ABCB1: variants seen among roughly 807,000 people sequenced by gnomAD.
The protein encoded by ABCB1 is ATP binding cassette subfamily B member 1.
ABCB1 carries 69 observed loss-of-function variants against 142.0 expected under a neutral mutation model. The ratio of observed to expected loss-of-function variants is 0.49; its 90% CI spans 0.40 to 0.59. The LOEUF is 0.59. ABCB1 is among the 20% of genes least tolerant of loss of function. ABCB1 has a pLI of 0.00. For missense variants in ABCB1, 1,326 were observed against 1,554.7 expected, an observed-to-expected ratio of 0.85 and a Z score of 2.47; for synonymous variants, 532 against 539.2, an observed-to-expected ratio of 0.99 and a Z score of 0.18.
At chr7:87,532,123 T>A (rs1421280462) in intron 20 of ABCB1, among the ~76,000 whole-genome samples, 1 of 152,106 alleles carries the variant, frequency 6.6e-6, no homozygotes, top group East Asian at 1.9e-4. Flanking sequence ...CTGTATAATG[T>A]CCAACTGTAA....
intron 1 of ABCB1, among the ~76,000 whole-genome samples, chr7:87,649,668 T>C (rs544592615): frequency 6.6e-6 from 1 of 152,322 alleles, no homozygotes; most frequent in African/African-American, 2.4e-5. Context: ...TTGCTATTTA[T>C]AAGCTCATAA....
intron 8 of ABCB1, among the ~76,000 whole-genome samples, chr7:87,560,218 G>C (rs1256198665): frequency 2.6e-5 from 4 of 152,070 alleles, no homozygotes; most frequent in African/African-American, 9.7e-5. Context: ...ATCTTTTAAA[G>C]CAAAAGCAAA....
At chr7:87,521,643 C>T in intron 21 of ABCB1, 1 of 809,670 alleles carries the variant, frequency 1.2e-6, no homozygotes, top group South Asian at 1.3e-5. Flanking sequence ...TTGGGTTTGT[C>T]ACATATGCCA....
In ABCB1 at chr7:87,561,368, T is replaced by C. The variant is rs370448121; in HGVS notation, c.722A>G (p.Asp241Gly). Residue 241 changes from aspartate (D) to glycine (G), a missense_variant, in exon 8 of 28, where the codon GAT (aspartate) becomes GGT (glycine). Transcript: ENST00000622132. Reference protein sequence around the residue: ...VWAKILSSFTDKELLAYAKAG... With the variant: ...VWAKILSSFTGKELLAYAKAG... ...TTTTGCATACGCTAAGAGTTCTTTATCAGTAAATGAAGATAGTATCTGTTT... is the reference window on the plus strand; with the variant it reads ...TTTTGCATACGCTAAGAGTTCTTTACCAGTAAATGAAGATAGTATCTGTTT... 19 of 1,613,416 alleles carry C rather than the reference T, an allele frequency of 1.2e-5. No individual in the cohort carries two copies. Among genetic ancestry groups the C allele is most frequent in the Non-Finnish European group, 1.4e-5 (17 of 1,179,528 alleles).
At chr7:87,661,680 C>T (rs1020917847) in intron 1 of ABCB1, among the ~76,000 whole-genome samples, 1 of 151,876 alleles carries the variant, frequency 6.6e-6, no homozygotes, top group African/African-American at 2.4e-5. Flanking sequence ...TCTTCCAAGT[C>T]TTGGCTATTG....
At chr7:87,583,203 G>A (rs1432347799) in intron 4 of ABCB1, among the ~76,000 whole-genome samples, 6 of 152,114 alleles carry the variant, frequency 3.9e-5, no homozygotes, top group Non-Finnish European at 8.8e-5. Context: ...ACTTTGTTCT[G>A]TGATTCTTCA....
At chr7:87,504,527 G>C in intron 27 of ABCB1, 78 bp from the exon 28 acceptor site, 1 of 1,563,946 alleles carries the variant, frequency 6.4e-7, no homozygotes, top group Non-Finnish European at 8.7e-7. Context: ...CTCCACAGTA[G>C]GACGGGCATG....
Position 87,520,840 on chromosome 7 carries a change from C to T in ABCB1, c.2722G>A (p.Val908Ile), listed in dbSNP as rs1349553183. 6.2e-7 allele frequency: 1 copy of T among 1,613,886 alleles called. No individual in the cohort carries two copies. Among genetic ancestry groups the T allele is most frequent in the Non-Finnish European group, 8.5e-7 (1 of 1,179,894 alleles). ...AACTTCTGCTCCTGAGTCAAAGAAA[C>T]AACGGTTCGGAAGTTTTCTATTGCT... ...TEAIENFRTV[V>I]SLTQEQKFEH... is the part of the protein sequence containing the mutation. The change falls in exon 22 of 28, where the codon GTT becomes ATT. Residue 908 changes from valine to isoleucine, a missense_variant. Coordinates refer to ENST00000622132, the MANE Select transcript of ABCB1 (RefSeq NM_001348946.2).
intron 1 of ABCB1, chr7:87,651,069 C>G: frequency 5.0e-6 from 3 of 599,200 alleles, no homozygotes; most frequent in Non-Finnish European, 5.9e-6. Context: ...ATCTTTTGGC[C>G]TGTGTGACTA....
intron 1 of ABCB1, among the ~76,000 whole-genome samples, chr7:87,656,511 T>C (rs564743816): frequency 6.6e-6 from 1 of 151,704 alleles, no homozygotes; most frequent in South Asian, 2.1e-4. Flanking sequence ...AGAGAAAATA[T>C]CAAGGTTTGT....
chr7:87,650,966 C>G (rs948146761), intron 1 of ABCB1: 3 of 1,276,606 alleles, frequency 2.3e-6, no homozygotes, highest in Non-Finnish European at 3.4e-6. Flanking sequence ...TATTTATTTT[C>G]CCACCAGCTG....
intron 10 of ABCB1, 61 bp from the exon 11 acceptor site, chr7:87,550,639 T>C (rs1162615169): frequency 6.3e-7 from 1 of 1,578,146 alleles, no homozygotes; most frequent in African/African-American, 1.3e-5. Context: ...AGTGATATTT[T>C]GTGGAGAGCT....
chr7:87,538,868 T>G (rs1397565204), intron 19 of ABCB1, among the ~76,000 whole-genome samples: 1 of 151,728 alleles, frequency 6.6e-6, no homozygotes. Flanking sequence ...AGTTTTGATT[T>G]GCGGAAAGAA....
chr7:87,615,446 C>T (rs573919446), intron 1 of ABCB1, among the ~76,000 whole-genome samples: 12 of 152,198 alleles, frequency 7.9e-5, no homozygotes, highest in South Asian at 2.1e-4. Context: ...TTGAGGACTT[C>T]GTCACTCTGA....
intron 8 of ABCB1, among the ~76,000 whole-genome samples, chr7:87,556,196 A>G (rs1817301321): frequency 6.6e-6 from 1 of 152,246 alleles, no homozygotes; most frequent in African/African-American, 2.4e-5. Context: ...ATTGGTATGT[A>G]GGAAATATGA....
At chr7:87,571,273 T>C (rs1818041245) in intron 4 of ABCB1, among the ~76,000 whole-genome samples, 1 of 152,064 alleles carries the variant, frequency 6.6e-6, no homozygotes, top group African/African-American at 2.4e-5. Context: ...GTTGTGTGGA[T>C]GGAGGGAGGT....
intron 2 of ABCB1, among the ~76,000 whole-genome samples, chr7:87,599,133 TATA>T (rs1462623797): frequency 2.0e-5 from 3 of 152,336 alleles, no homozygotes; most frequent in East Asian, 3.9e-4. Flanking sequence ...CTTGGTTTCT[TATA>T]ATATTAATGT....
intron 14 of ABCB1, among the ~76,000 whole-genome samples, chr7:87,549,075 T>C (rs1816930672): frequency 2.0e-5 from 3 of 152,254 alleles, no homozygotes. Flanking sequence ...TCTATATTTC[T>C]ATTTTTTAAT....
chr7:87,590,684 T>C (rs1199290662), intron 3 of ABCB1, among the ~76,000 whole-genome samples: 2 of 151,752 alleles, frequency 1.3e-5, no homozygotes, highest in African/African-American at 4.8e-5. Flanking sequence ...AAGAGCAGAG[T>C]GAGAGGGAAT....
Sources: gnomAD v4.1 joint callset for allele counts (sites outside exome capture counted in the v4.1 genomes callset) on GRCh38, gnomAD v4.1.1 for gene constraint, MANE v1.5 for transcripts, NCBI Gene and HGNC (gene_info 2026-07-23, HGNC 2026-07-21) for gene names.